The following SLC1A6 variants were observed in gnomAD, a reference collection of about 807,000 sequenced individuals.
SLC1A6 encodes the protein excitatory amino acid transporter 4.
A neutral mutation model predicts 42.1 loss-of-function variants in SLC1A6; 15 were observed. That is an observed-to-expected ratio of 0.36 (90% CI 0.24 to 0.55). SLC1A6 has a LOEUF of 0.55. SLC1A6 is among the 20% of genes least tolerant of loss of function. The pLI is 0.88. For synonymous variants in SLC1A6, 317 were observed against 319.7 expected (o/e 0.99, Z 0.09); for missense variants, 542 against 772.5 (o/e 0.70, Z 3.54).
At chr19:15,006,136 A>G (rs8101658) in intron 1 of SLC1A6, among the ~76,000 whole-genome samples, 11,138 of 152,270 alleles carry the variant, frequency 0.073, 952 homozygotes, top group African/African-American at 0.21. Context: ...AAACACTTAC[A>G]TAATGCTTAC....
chr19:15,006,610 G>A (rs538465861), intron 1 of SLC1A6, among the ~76,000 whole-genome samples: 6 of 150,982 alleles, frequency 4.0e-5, no homozygotes, highest in South Asian at 4.2e-4. Context: ...CTTGACTGTC[G>A]CACCTCTCAT....
chr19:14,977,758 G>A (rs2045727504), intron 1 of SLC1A6: 1 of 152,204 alleles, frequency 6.6e-6, no homozygotes, highest in Non-Finnish European at 1.5e-5. Context: ...TCCAACTTGG[G>A]TGACAGCGTA....
chr19:14,998,679 T>C (rs2045858475), intron 1 of SLC1A6, among the ~76,000 whole-genome samples: 1 of 152,086 alleles, frequency 6.6e-6, no homozygotes, highest in Non-Finnish European at 1.5e-5. Flanking sequence ...CTGAAAGAAA[T>C]TGAGATATTT....
intron 5 of SLC1A6, chr19:14,963,933 A>G (rs1452466819): frequency 6.2e-6 from 1 of 162,090 alleles, no homozygotes; most frequent in African/African-American, 2.4e-5. Context: ...GGTTCAAGCA[A>G]TCCTCCCACC....
chr19:14,955,498 G>A (rs535242979), intron 7 of SLC1A6, among the ~76,000 whole-genome samples: 5 of 152,082 alleles, frequency 3.3e-5, no homozygotes, highest in African/African-American at 1.2e-4. Context: ...AGGCACCTGT[G>A]ATTCCAGCTA....
At chr19:15,007,063 T>C (rs1254842668) in intron 1 of SLC1A6, among the ~76,000 whole-genome samples, 2 of 152,198 alleles carry the variant, frequency 1.3e-5, no homozygotes, top group African/African-American at 2.4e-5. Flanking sequence ...TGCTGGGTGC[T>C]CGGTAGTGGA....
At chr19:14,992,031 G>A (rs2045822976) in intron 1 of SLC1A6, among the ~76,000 whole-genome samples, 1 of 152,072 alleles carries the variant, frequency 6.6e-6, no homozygotes, top group Non-Finnish European at 1.5e-5. Flanking sequence ...TCACCATGTT[G>A]GGCAGGCTGG....
At chr19:14,956,768 A>G in intron 6 of SLC1A6, 59 bp from the exon 7 acceptor site, 1 of 1,196,838 alleles carries the variant, frequency 8.4e-7, no homozygotes, top group South Asian at 1.4e-5. Flanking sequence ...TGCAGGTCTG[A>G]AGGTGGCATC....
intron 8 of SLC1A6, 78 bp downstream of exon 8, chr19:14,954,057 T>TACCA: frequency 1.0e-6 from 1 of 997,540 alleles, no homozygotes; most frequent in African/African-American, 1.6e-5. Context: ...GGCCCCCTCC[T>TACCA]CCCTCCCCAA....
upstream of SLC1A6, among the ~76,000 whole-genome samples, chr19:14,981,033 A>T (rs1291410430): frequency 6.6e-6 from 1 of 151,922 alleles, no homozygotes; most frequent in African/African-American, 2.4e-5. Flanking sequence ...TGGCCCATGC[A>T]TGTAATCCCA....
At chr19:14,990,795 A>C (rs911487779) in intron 1 of SLC1A6, among the ~76,000 whole-genome samples, 18 of 146,280 alleles carry the variant, frequency 1.2e-4, no homozygotes, top group African/African-American at 3.1e-4. Flanking sequence ...ACAAAAAAAA[A>C]AAAAAACGAA....
At chr19:15,003,380 G>A (rs570053008) in intron 1 of SLC1A6, among the ~76,000 whole-genome samples, 1 of 152,284 alleles carries the variant, frequency 6.6e-6, no homozygotes, top group South Asian at 2.1e-4. Context: ...AGATGACAGG[G>A]AAGAACCAGG....
chr19:14,990,542 G>A (rs1467363184), intron 1 of SLC1A6, among the ~76,000 whole-genome samples: 4 of 152,198 alleles, frequency 2.6e-5, no homozygotes, highest in Admixed American at 6.5e-5. Flanking sequence ...AGCCGAGGCA[G>A]GCGGATCACC....
intron 1 of SLC1A6, among the ~76,000 whole-genome samples, chr19:14,992,177 C>A (rs1362690842): frequency 1.3e-5 from 2 of 152,222 alleles, no homozygotes; most frequent in African/African-American, 4.8e-5. Context: ...CTTACTGATT[C>A]TATCTTGAAC....
chr19:14,958,951 C>G (rs543047197), intron 6 of SLC1A6, among the ~76,000 whole-genome samples: 4 of 152,260 alleles, frequency 2.6e-5, no homozygotes, highest in Middle Eastern at 6.8e-3. Flanking sequence ...AGTAAAAGTT[C>G]GTCTTCAAAG....
intron 1 of SLC1A6, among the ~76,000 whole-genome samples, chr19:15,010,199 AAAG>A (rs773848938): frequency 0.28 from 37,852 of 135,732 alleles, 5,271 homozygotes; most frequent in East Asian, 0.53. Flanking sequence ...AAAAAAAAAG[AAAG>A]AAAGAAAAAA....
chr19:14,950,402 G>T lies in SLC1A6; in HGVS notation c.1500-12C>A. 3.3e-6 allele frequency: 5 copies of T among 1,530,676 alleles called. No individual in the cohort carries two copies. The highest frequency in any genetic ancestry group is 4.4e-6 in the Non-Finnish European group (5 of 1,131,728). The allele number at this position is 1,530,676 out of a possible 1,614,324, so 94.8% of individuals were successfully genotyped here. ...TGCGAAGCCGGTCACTGGTACAGGG[G>T]AGAAAGAAGCTGCCATTAATGGGGG... is the stretch of plus-strand genomic sequence containing the variant. On this transcript the variant is annotated splice_polypyrimidine_tract_variant and intron_variant, in intron 9 of 9. Coordinates refer to ENST00000594383, the MANE Select transcript of SLC1A6 (RefSeq NM_005071.3).
upstream of SLC1A6, among the ~76,000 whole-genome samples, chr19:14,981,887 GTTT>G (rs1452732473): frequency 6.6e-6 from 1 of 152,074 alleles, no homozygotes; most frequent in African/African-American, 2.4e-5. Flanking sequence ...GTGGAGCAGG[GTTT>G]GGTGGCAGGT....
At chr19:14,997,327 G>A (rs962708067) in intron 1 of SLC1A6, among the ~76,000 whole-genome samples, 2 of 152,054 alleles carry the variant, frequency 1.3e-5, no homozygotes, top group Admixed American at 6.6e-5. Context: ...CTGATGTCTC[G>A]TGTCTCTCTA....
Sources: gnomAD v4.1 joint callset for allele counts (sites outside exome capture counted in the v4.1 genomes callset) on GRCh38, gnomAD v4.1.1 for gene constraint, MANE v1.5 for transcripts, NCBI Gene and HGNC (gene_info 2026-07-23, HGNC 2026-07-21) for gene names.